SIDT1: variants seen among roughly 807,000 people sequenced by gnomAD.
SIDT1 encodes SID1 transmembrane family, member 1.
A neutral mutation model predicts 107.5 loss-of-function variants in SIDT1; 101 were observed. That is an observed-to-expected ratio of 0.94 (90% CI 0.80 to 1.11). SIDT1 has a LOEUF of 1.11. Among genes scored for constraint, SIDT1 ranks in the 50% least tolerant of loss-of-function variants. The probability of loss-of-function intolerance (pLI) is 0.00; values close to 1 mark genes in which losing one functional copy is unlikely to be tolerated. For synonymous variants in SIDT1, 395 were observed against 398.2 expected (o/e 0.99, Z 0.10); for missense variants, 1,076 against 1,058.2 (o/e 1.02, Z -0.23).
intron 1 of SIDT1, among the ~76,000 whole-genome samples, chr3:113,541,587 A>C (rs1390570610): frequency 6.6e-6 from 1 of 152,240 alleles, no homozygotes; most frequent in Non-Finnish European, 1.5e-5. Context: ...CAGTTTTTAC[A>C]ATTAAAAGTA....
downstream of SIDT1, chr3:113,629,599 C>A (rs1310985137): frequency 2.0e-5 from 3 of 152,302 alleles, no homozygotes; most frequent in East Asian, 5.8e-4. Flanking sequence ...GACCTAATTT[C>A]TTTATCTTAA....
intron 18 of SIDT1, 105 bp from the exon 19 acceptor site, chr3:113,611,981 G>A (rs575450876): frequency 4.0e-6 from 3 of 755,550 alleles, no homozygotes; most frequent in African/African-American, 1.7e-5. Flanking sequence ...AATAGAATGT[G>A]CACACAGCTG....
intron 1 of SIDT1, among the ~76,000 whole-genome samples, chr3:113,564,089 C>A (rs377535253): frequency 6.6e-6 from 1 of 152,186 alleles, no homozygotes; most frequent in South Asian, 2.1e-4. Context: ...GCTGTGATTA[C>A]GGGCATGCGC....
intron 5 of SIDT1, 89 bp from the exon 6 acceptor site, chr3:113,581,272 A>G: frequency 9.3e-7 from 1 of 1,071,470 alleles, no homozygotes; most frequent in Non-Finnish European, 1.4e-6. Context: ...CTGTGATCCA[A>G]GCAGAAAGAT....
intron 1 of SIDT1, among the ~76,000 whole-genome samples, chr3:113,537,790 T>G (rs1252557201): frequency 1.3e-5 from 2 of 152,146 alleles, no homozygotes; most frequent in Non-Finnish European, 2.9e-5. Flanking sequence ...CTCTTCTTCT[T>G]TTTTCTTTTC....
the SIDT1 span, among the ~76,000 whole-genome samples, chr3:113,636,390 G>A: frequency 8.6e-5 from 13 of 152,038 alleles, no homozygotes; most frequent in Non-Finnish European, 1.6e-4. Flanking sequence ...ACAATAGAGC[G>A]AGACTCTGTC....
At chr3:113,540,525 A>T (rs1488261298) in intron 1 of SIDT1, among the ~76,000 whole-genome samples, 1 of 152,232 alleles carries the variant, frequency 6.6e-6, no homozygotes, top group East Asian at 1.9e-4. Context: ...GAGTGAAATT[A>T]CTGTGCTTTA....
At chr3:113,539,218 C>T (rs2107580752) in intron 1 of SIDT1, among the ~76,000 whole-genome samples, 1 of 152,240 alleles carries the variant, frequency 6.6e-6, no homozygotes, top group African/African-American at 2.4e-5. Context: ...TAATCATGAG[C>T]TTATGCATTT....
Position 113,589,529 on chromosome 3 carries a change from CTTTTTTTTTT to C in SIDT1, c.1002-3463_1002-3454del, listed in dbSNP as rs386397654. On this transcript the variant is annotated intron_variant, in intron 9 of 24. Coordinates refer to ENST00000264852, the MANE Select transcript of SIDT1 (RefSeq NM_017699.3). Reference sequence around the variant, plus strand: ...TCAGGCCAAATTATAACTTCTCTCCCTTTTTTTTTTTTTTTTTTTTTTGAGACAGTCTCTC... The same window carrying C: ...TCAGGCCAAATTATAACTTCTCTCCCTTTTTTTTTTTTGAGACAGTCTCTC... Among the ~76,000 whole-genome samples the C allele has an allele frequency of 5.2e-5, 6 of 116,032 alleles. No individual in the cohort carries two copies. In the East Asian group the frequency reaches 1.5e-3, roughly 29 times the overall value. The allele number at this position is 116,032 out of a possible 152,430, so 76.1% of individuals were successfully genotyped here. A position where few individuals can be genotyped will look rare whatever the true frequency, so the allele number is the denominator to read the frequency against.
chr3:113,564,798 GC>G (rs1560041843), intron 1 of SIDT1, among the ~76,000 whole-genome samples: 1 of 152,152 alleles, frequency 6.6e-6, no homozygotes, highest in African/African-American at 2.4e-5. Context: ...AAGAGATCTC[GC>G]TAGAGATATG....
chr3:113,616,540 T>C (rs971969772), intron 20 of SIDT1, among the ~76,000 whole-genome samples: 4 of 152,004 alleles, frequency 2.6e-5, no homozygotes, highest in African/African-American at 9.7e-5. Flanking sequence ...TCAGGAAGAA[T>C]AGCTAATGAA....
chr3:113,562,276 A>G (rs1363099564), intron 1 of SIDT1, among the ~76,000 whole-genome samples: 1 of 152,258 alleles, frequency 6.6e-6, no homozygotes, highest in African/African-American at 2.4e-5. Context: ...ACTGGAATGT[A>G]AAATGATGTA....
At chr3:113,544,066 A>G (rs1021867912) in intron 1 of SIDT1, among the ~76,000 whole-genome samples, 30 of 152,094 alleles carry the variant, frequency 2.0e-4, no homozygotes, top group African/African-American at 7.0e-4. Flanking sequence ...ATGTCTTTTA[A>G]TGAAAAAAGG....
chr3:113,550,534 T>A (rs1454655571), intron 1 of SIDT1, among the ~76,000 whole-genome samples: 1 of 152,212 alleles, frequency 6.6e-6, no homozygotes, highest in East Asian at 1.9e-4. Flanking sequence ...CATCATTTCC[T>A]TTATCCAAGT....
intron 10 of SIDT1, among the ~76,000 whole-genome samples, chr3:113,598,490 C>T (rs1210809694): frequency 3.9e-5 from 6 of 152,116 alleles, no homozygotes; most frequent in Non-Finnish European, 8.8e-5. Flanking sequence ...TCCAGTGACA[C>T]CAAAATGCAC....
intron 9 of SIDT1, among the ~76,000 whole-genome samples, chr3:113,588,030 T>TC (rs1219401071): frequency 2.0e-5 from 3 of 152,218 alleles, no homozygotes; most frequent in Non-Finnish European, 4.4e-5. Flanking sequence ...TCTCTAATCC[T>TC]GATGTTTTAG....
chr3:113,542,695 G>A (rs1939053789), intron 1 of SIDT1, among the ~76,000 whole-genome samples: 1 of 152,034 alleles, frequency 6.6e-6, no homozygotes, highest in African/African-American at 2.4e-5. Context: ...AGCTTTCCTA[G>A]CATTCTTCTG....
At chr3:113,555,871 C>T (rs1203577372) in intron 1 of SIDT1, among the ~76,000 whole-genome samples, 3 of 138,908 alleles carry the variant, frequency 2.2e-5, no homozygotes, top group South Asian at 2.3e-4. Flanking sequence ...TTTTTTTGCC[C>T]GGGGTGATTG....
chr3:113,569,964 G>T, intron 3 of SIDT1, among the ~76,000 whole-genome samples: 1 of 152,254 alleles, frequency 6.6e-6, no homozygotes, highest in Non-Finnish European at 1.5e-5. Flanking sequence ...GGAGTGCAAT[G>T]GCATGATCTT....
Sources: gnomAD v4.1 joint callset for allele counts (sites outside exome capture counted in the v4.1 genomes callset) on GRCh38, gnomAD v4.1.1 for gene constraint, MANE v1.5 for transcripts, NCBI Gene and HGNC (gene_info 2026-07-23, HGNC 2026-07-21) for gene names.